The following GSE1 variants were observed in gnomAD, a reference collection of about 807,000 sequenced individuals.
GSE1 encodes genetic suppressor element 1.
A neutral mutation model predicts 112.6 loss-of-function variants in GSE1; 32 were observed. That is an observed-to-expected ratio of 0.28 (90% confidence interval 0.21 to 0.38). The LOEUF (loss-of-function observed/expected upper bound fraction) is 0.38. Ranked by LOEUF, GSE1 falls within the 10% of genes least tolerant of loss-of-function variation. The pLI, the probability that GSE1 is intolerant of heterozygous loss-of-function variation, is 1.00. For synonymous variants in GSE1, 1,115 were observed against 735.6 expected (o/e 1.52, Z -8.35); for missense variants, 2,348 against 1,699.2 (o/e 1.38, Z -6.71).
intron 1 of GSE1, among the ~76,000 whole-genome samples, chr16:85,579,001 C>T (rs886707261): frequency 5.3e-5 from 8 of 152,180 alleles, no homozygotes; most frequent in African/African-American, 4.8e-5. Context: ...ACACAGCAGG[C>T]GCTTAATCAA....
At chr16:85,237,840 G>C (rs11149729) in intron 1 of GSE1, among the ~76,000 whole-genome samples, 40,561 of 130,786 alleles carry the variant, frequency 0.31, 6,235 homozygotes, top group East Asian at 0.52. Context: ...TCTGTCCCCC[G>C]CAAAAAAAAA....
intron 1 of GSE1, among the ~76,000 whole-genome samples, chr16:85,631,920 G>A (rs944781591): frequency 1.1e-4 from 17 of 152,264 alleles, no homozygotes; most frequent in South Asian, 2.1e-4. Flanking sequence ...ATGGCAGCCC[G>A]GTGCGGGGGA....
intron 7 of GSE1, 54 bp from the exon 8 acceptor site, chr16:85,657,223 G>T: frequency 1.6e-6 from 2 of 1,237,942 alleles, no homozygotes; most frequent in South Asian, 2.9e-5. Flanking sequence ...GACGGGGAGG[G>T]AGCATGCTGG....
At chr16:85,573,302 C>T (rs374137351) in intron 1 of GSE1, among the ~76,000 whole-genome samples, 2 of 152,322 alleles carry the variant, frequency 1.3e-5, no homozygotes, top group East Asian at 3.9e-4. Context: ...GTACTTCATT[C>T]CTTTTCATAG....
chr16:85,526,991 G>C (rs572411419), intron 2 of GSE1, among the ~76,000 whole-genome samples: 1 of 152,230 alleles, frequency 6.6e-6, no homozygotes, highest in Non-Finnish European at 1.5e-5. Flanking sequence ...CAGTGGAAGT[G>C]CCAAAACAGT....
At chr16:85,294,616 A>ACTCTCTCT (rs756560732) in intron 1 of GSE1, among the ~76,000 whole-genome samples, 891 of 76,640 alleles carry the variant, frequency 0.012, 57 homozygotes, top group African/African-American at 0.017. Context: ...CACGCCTCTC[A>ACTCTCTCT]CTCTCTCTCT....
At chr16:85,609,862 G>A (rs553811554), upstream of GSE1, among the ~76,000 whole-genome samples, 1 of 152,174 alleles carries the variant, frequency 6.6e-6, no homozygotes, top group Admixed American at 6.5e-5. Context: ...TTGCCATGTT[G>A]TCCAGGCCGG....
intron 1 of GSE1, among the ~76,000 whole-genome samples, chr16:85,290,072 C>T (rs1457186318): frequency 1.3e-5 from 2 of 152,178 alleles, no homozygotes; most frequent in African/African-American, 4.8e-5. Flanking sequence ...GACGATGCCT[C>T]TTCCCCTCCC....
chr16:85,427,152 G>A (rs2049012808), intron 2 of GSE1, among the ~76,000 whole-genome samples: 1 of 152,178 alleles, frequency 6.6e-6, no homozygotes, highest in South Asian at 2.1e-4. Flanking sequence ...GAGTGGGACA[G>A]CAGCTGCCCG....
chr16:85,454,639 G>A (rs543732013), intron 2 of GSE1, among the ~76,000 whole-genome samples: 8 of 152,352 alleles, frequency 5.3e-5, no homozygotes, highest in South Asian at 2.1e-4. Context: ...TCGGCAGGAC[G>A]CGTTCCTTGT....
rs181362555 is a variant in GSE1 at position 85,269,114 on chromosome 16, C to T, written c.2284-88349C>T. 2.0e-3 allele frequency among the ~76,000 whole-genome samples: 296 copies of T among 149,524 alleles called. 31 individuals are homozygous for T. The highest frequency in any genetic ancestry group is 2.9e-3 in the Non-Finnish European group (194 of 66,282). ...ACCGAGCATCAATGCCATTCAGAAA[C>T]TTGCCCGAGGCCACTCAAGAACCAT... is the stretch of plus-strand genomic sequence containing the variant. On this transcript the variant is annotated intron_variant, in intron 1 of 2. Transcript: ENST00000637419.
intron 1 of GSE1, among the ~76,000 whole-genome samples, chr16:85,284,223 T>C (rs1281036090): frequency 1.3e-5 from 2 of 152,194 alleles, no homozygotes; most frequent in African/African-American, 4.8e-5. Flanking sequence ...TAGCTGTCGC[T>C]GTAGGGCGAC....
chr16:85,495,312 G>T (rs1185909113), intron 2 of GSE1, among the ~76,000 whole-genome samples: 1 of 152,098 alleles, frequency 6.6e-6, no homozygotes, highest in Non-Finnish European at 1.5e-5. Context: ...TGGAGTGGGA[G>T]TCCCGGCCTG....
intron 2 of GSE1, among the ~76,000 whole-genome samples, chr16:85,367,736 A>C (rs1377848184): frequency 6.6e-6 from 1 of 152,188 alleles, no homozygotes; most frequent in Non-Finnish European, 1.5e-5. Context: ...GGCACAGTGC[A>C]CATAATAGGT....
At chr16:85,424,161 A>G (rs1053777321) in intron 2 of GSE1, among the ~76,000 whole-genome samples, 3 of 152,222 alleles carry the variant, frequency 2.0e-5, no homozygotes, top group Admixed American at 6.5e-5. Flanking sequence ...CCTAATAATG[A>G]CAACCCGCTT....
chr16:85,241,444 C>T (rs910212160), intron 1 of GSE1, among the ~76,000 whole-genome samples: 1 of 152,208 alleles, frequency 6.6e-6, no homozygotes, highest in Non-Finnish European at 1.5e-5. Context: ...TTGCAGTCTG[C>T]TGTGGTGGGA....
rs2051933101 is a variant in GSE1 at position 85,656,364 on chromosome 16, A to AAGGCGGGAGAGGGAGCGC, written c.1012_1029dup (p.Arg338_Arg343dup). On this transcript the variant is annotated inframe_insertion, in exon 7 of 16. Coordinates refer to ENST00000253458, the MANE Select transcript of GSE1 (RefSeq NM_014615.5). ...GCAGGCTGCAGATGGACGAGGAGCT[A>AAGGCGGGAGAGGGAGCGC]AGGCGGGAGAGGGAGCGCGAGCGCG... 3.7e-6 allele frequency: 6 copies of AAGGCGGGAGAGGGAGCGC among 1,609,390 alleles called. No individual in the cohort carries two copies. In the East Asian group the frequency reaches 1.4e-4, roughly 36 times the overall value.
intron 1 of GSE1, among the ~76,000 whole-genome samples, chr16:85,272,882 T>G (rs12051434): frequency 0.099 from 15,090 of 151,902 alleles, 878 homozygotes; most frequent in East Asian, 0.26. Context: ...GTTCAAGTAA[T>G]TCTCCTGCCA....
intron 1 of GSE1, among the ~76,000 whole-genome samples, chr16:85,625,313 A>C (rs1200117233): frequency 6.6e-6 from 1 of 152,094 alleles, no homozygotes; most frequent in Admixed American, 6.5e-5. Context: ...CCTCGCCTCC[A>C]TCCGGGAACC....
Sources: gnomAD v4.1 joint callset for allele counts (sites outside exome capture counted in the v4.1 genomes callset) on GRCh38, gnomAD v4.1.1 for gene constraint, MANE v1.5 for transcripts, NCBI Gene and HGNC (gene_info 2026-07-23, HGNC 2026-07-21) for gene names.